The following PIGG variants were observed in gnomAD, a reference collection of about 807,000 sequenced individuals.
PIGG encodes the protein phosphatidylinositol glycan anchor biosynthesis class G (EMM blood group).
In PIGG, 70 loss-of-function variants were observed where a neutral mutation model predicts 83.2. The observed-to-expected ratio is 0.84, with a 90% CI of 0.69 to 1.03. PIGG has a LOEUF of 1.03. Among genes scored for constraint, PIGG ranks in the 50% least tolerant of loss-of-function variants. The pLI, the probability that PIGG is intolerant of heterozygous loss-of-function variation, is 0.00. For missense variants in PIGG, 1,257 were observed against 1,233.6 expected (o/e 1.02, Z -0.28); for synonymous variants, 532 against 519.5 (o/e 1.02, Z -0.33).
In PIGG at chr4:523,929, C is replaced by T. The variant is rs144533568; in HGVS notation, c.2069+16C>T. ...GGCTCACCAGGTGAGAGCGTAGGCC[C>T]GTGGCCACAGGCCAGACTTTCTACG... On this transcript the variant is annotated intron_variant, in intron 9 of 12. Transcript: ENST00000453061. 1,859 of 1,466,974 alleles carry T rather than the reference C, an allele frequency of 1.3e-3. 26 individuals are homozygous for T. In the African/African-American group the frequency reaches 0.023, roughly 18 times the overall value. 90.9% of individuals were successfully genotyped at this position (1,466,974 alleles called of 1,614,324 possible). A position where few individuals can be genotyped will look rare whatever the true frequency, so the allele number is the denominator to read the frequency against.
intron 5 of PIGG, among the ~76,000 whole-genome samples, chr4:509,563 T>C (rs1721168303): frequency 6.6e-6 from 1 of 152,246 alleles, no homozygotes; most frequent in African/African-American, 2.4e-5. Flanking sequence ...GCCTCACTCT[T>C]GGTGAGCTCA....
rs1246508481 is a variant in PIGG at position 532,755 on chromosome 4, A to T, written c.2572-1063A>T. On this transcript the variant is annotated intron_variant, in intron 11 of 12. Transcript: ENST00000453061. The stretch of plus-strand genomic sequence containing the variant: ...TGAACAGTTCTGGTTCTGGAGAGGG[A>T]TCTTCGTTGAGCTTGATAGAGACAT... The T allele has an allele frequency of 3.3e-5, 5 of 152,340 alleles. No homozygotes were observed. In the East Asian group the frequency reaches 9.6e-4, roughly 29 times the overall value. The allele number at this position is 152,340 out of a possible 1,614,324, so 9.4% of individuals were successfully genotyped here.
chr4:528,478 T>G lies in PIGG; in HGVS notation c.2261+1248T>G. The G allele has an allele frequency of 1.0e-6, 1 of 983,222 alleles. No individual in the cohort carries two copies. Among genetic ancestry groups the G allele is most frequent in the Admixed American group, 6.2e-5 (1 of 16,048 alleles). 60.9% of individuals were successfully genotyped at this position (983,222 alleles called of 1,614,324 possible). ...AAGTACTTCCTGGCTGAGTGGGGAG[T>G]AAGGGGTGGGAGTTAGGGTGACCTG... On this transcript the variant is annotated intron_variant, in intron 10 of 12. Transcript: ENST00000453061. This position sits in a 1 kb window ranked among gnomAD's most constrained non-coding sequence, Gnocchi z 4.8.
At chr4:510,499 T>C (rs528335264) in intron 5 of PIGG, among the ~76,000 whole-genome samples, 16 of 152,342 alleles carry the variant, frequency 1.1e-4, no homozygotes, top group African/African-American at 3.6e-4. Flanking sequence ...AGATTTTGTT[T>C]ATGGCCAGTT....
intron 12 of PIGG, chr4:536,616 G>T (rs567078956): frequency 2.0e-5 from 3 of 152,188 alleles, no homozygotes; most frequent in Non-Finnish European, 2.9e-5. Context: ...GCCCTGGGAC[G>T]TCTTTCTCTG....
chr4:502,688 C>A (rs1237081562), intron 2 of PIGG, among the ~76,000 whole-genome samples: 1 of 152,150 alleles, frequency 6.6e-6, no homozygotes, highest in Non-Finnish European at 1.5e-5. Flanking sequence ...CACTCGCTGT[C>A]TGCACGCTTT....
intron 8 of PIGG, 51 bp downstream of exon 8, chr4:521,992 G>C: frequency 6.3e-7 from 1 of 1,592,796 alleles, no homozygotes; most frequent in Non-Finnish European, 8.6e-7. Flanking sequence ...TGCTCAGGTT[G>C]TTCTTGTTAT....
intron 8 of PIGG, 41 bp from the exon 9 acceptor site, chr4:523,418 T>C (rs750395325): frequency 3.5e-6 from 5 of 1,409,624 alleles, no homozygotes; most frequent in Non-Finnish European, 4.9e-6. Flanking sequence ...TGTGTGTCGT[T>C]ATCAGACCGT....
intron 10 of PIGG, among the ~76,000 whole-genome samples, chr4:529,140 G>A (rs1728423225): frequency 6.6e-6 from 1 of 152,158 alleles, no homozygotes; most frequent in South Asian, 2.1e-4. Flanking sequence ...AGGAGGAGGA[G>A]GACCCACCAA....
chr4:520,677 A>G (rs1384796506), intron 6 of PIGG, among the ~76,000 whole-genome samples: 1 of 152,196 alleles, frequency 6.6e-6, no homozygotes, highest in African/African-American at 2.4e-5. Context: ...GCATTTCAGG[A>G]TTGTTTTTAT....
rs1553880146 is a variant in PIGG at position 507,442 on chromosome 4, TAAA to T, written c.611_613del (p.Lys204del). On this transcript the variant is annotated inframe_deletion, in exon 4 of 13. Coordinates refer to ENST00000453061, the MANE Select transcript of PIGG (RefSeq NM_001127178.3). ...GTCACGAGGCATTTGGATAAAGTAT[TAAA>T]AAGAGGAGATTGGGACATATTAATC... 1 of 1,613,842 alleles carries T rather than the reference TAAA, an allele frequency of 6.2e-7. No individual in the cohort carries two copies. Among genetic ancestry groups the T allele is most frequent in the Non-Finnish European group, 8.5e-7 (1 of 1,179,816 alleles).
chr4:520,382 TAA>T (rs1725419681), intron 6 of PIGG, among the ~76,000 whole-genome samples: 1 of 152,186 alleles, frequency 6.6e-6, no homozygotes, highest in Admixed American at 6.5e-5. Flanking sequence ...CACTGTGGTT[TAA>T]AAGAGGTTGC....
intron 5 of PIGG, among the ~76,000 whole-genome samples, chr4:512,370 C>T (rs1553884076): frequency 6.6e-6 from 1 of 151,652 alleles, no homozygotes; most frequent in Admixed American, 6.6e-5. Context: ...CAGGCACCCA[C>T]CACCACCGGT....
intron 7 of PIGG, 41 bp from the exon 8 acceptor site, chr4:521,618 CA>C: frequency 6.3e-7 from 1 of 1,593,324 alleles, no homozygotes; most frequent in Non-Finnish European, 8.6e-7. Flanking sequence ...TGGGTTTCTC[CA>C]AGCCCAGCAG....
chr4:533,524 G>A (rs904953236), intron 11 of PIGG: 18 of 412,006 alleles, frequency 4.4e-5, no homozygotes, highest in South Asian at 1.5e-4. Context: ...TCAGCCAGCC[G>A]GTCTGTGTGT....
rs782634721 is a variant in PIGG at position 505,760 on chromosome 4, A to G, written c.403A>G (p.Arg135Gly). The change falls in exon 3 of 13, where the codon AGG becomes GGG. Residue 135 changes from arginine (R) to glycine (G), a missense_variant. Arg to Gly is a moderately radical substitution (Grantham distance 125). Coordinates refer to ENST00000453061, the MANE Select transcript of PIGG (RefSeq NM_001127178.3). ...CCTTCCTGGCTTTGTCGACGTCATCAGGAACCTCAATTCTCCTGCACTGCT... is the reference window on the plus strand; with the variant it reads ...CCTTCCTGGCTTTGTCGACGTCATCGGGAACCTCAATTCTCCTGCACTGCT... ...GSLPGFVDVIRNLNSPALLED... is the reference protein window; with the variant it reads ...GSLPGFVDVIGNLNSPALLED... 2 of 1,613,758 alleles carry G rather than the reference A, an allele frequency of 1.2e-6. No individual in the cohort carries two copies. The highest frequency in any genetic ancestry group is 1.7e-6 in the Non-Finnish European group (2 of 1,179,964).
At chr4:538,625 G>T (rs1055087982) in intron 12 of PIGG, among the ~76,000 whole-genome samples, 1 of 152,234 alleles carries the variant, frequency 6.6e-6, no homozygotes, top group Non-Finnish European at 1.5e-5. Flanking sequence ...TGGCTGAGCA[G>T]TTGGGGCTGC....
chr4:535,596 C>G (rs1258731834), intron 12 of PIGG, among the ~76,000 whole-genome samples: 1 of 152,284 alleles, frequency 6.6e-6, no homozygotes, highest in African/African-American at 2.4e-5. Flanking sequence ...GTGGCCTCTC[C>G]GCTGAGCAGT....
At chr4:538,125 CAG>C (rs1731169878) in intron 12 of PIGG, among the ~76,000 whole-genome samples, 2 of 148,478 alleles carry the variant, frequency 1.3e-5, no homozygotes, top group Non-Finnish European at 3.0e-5. Context: ...CCCACACACC[CAG>C]ACACACACAC....
Sources: gnomAD v4.1 joint callset for allele counts (sites outside exome capture counted in the v4.1 genomes callset) on GRCh38, gnomAD v4.1.1 for gene constraint, Gnocchi (gnomAD v3.1) non-coding constraint, MANE v1.5 for transcripts, NCBI Gene and HGNC (gene_info 2026-07-23, HGNC 2026-07-21) for gene names.